CAMK2D: variants seen among roughly 807,000 people sequenced by gnomAD.
CAMK2D encodes the protein calcium/calmodulin-dependent protein kinase type II subunit delta.
Under a neutral mutation model 84.0 loss-of-function variants are expected in CAMK2D, and 37 were observed. The ratio of observed to expected loss-of-function variants is 0.44; its 90% CI spans 0.34 to 0.58. The LOEUF (loss-of-function observed/expected upper bound fraction) is 0.58, where lower values mean the gene tolerates loss of function less well. Among genes scored for constraint, CAMK2D ranks in the 20% least tolerant of loss-of-function variants. The probability of loss-of-function intolerance (pLI) is 0.02; values close to 1 mark genes in which losing one functional copy is unlikely to be tolerated. For synonymous variants in CAMK2D, 202 were observed against 212.5 expected (o/e 0.95, Z 0.43); for missense variants, 448 against 652.5 (o/e 0.69, Z 3.41).
chr4:113,735,840 A>T (rs2099580078), intron 2 of CAMK2D, among the ~76,000 whole-genome samples: 1 of 152,178 alleles, frequency 6.6e-6, no homozygotes. Flanking sequence ...ATATATTATC[A>T]CTGTCATCTT....
At chr4:113,747,437 C>CA (rs2099607180) in intron 2 of CAMK2D, among the ~76,000 whole-genome samples, 1 of 151,200 alleles carries the variant, frequency 6.6e-6, no homozygotes, top group African/African-American at 2.4e-5. Context: ...TTTATGTTTT[C>CA]AATAAATACC....
chr4:113,571,364 A>G, intron 4 of CAMK2D, among the ~76,000 whole-genome samples: 1 of 152,346 alleles, frequency 6.6e-6, no homozygotes, highest in East Asian at 1.9e-4. Context: ...AGCATTAACA[A>G]TAGCCAAGAA....
intron 8 of CAMK2D, among the ~76,000 whole-genome samples, chr4:113,520,307 C>A (rs758153060): frequency 6.6e-6 from 1 of 152,020 alleles, no homozygotes; most frequent in Non-Finnish European, 1.5e-5. Context: ...ACTCGGGAGG[C>A]TGAGGCAGGA....
At chr4:113,610,405 C>A (rs966618440) in intron 3 of CAMK2D, among the ~76,000 whole-genome samples, 7 of 152,164 alleles carry the variant, frequency 4.6e-5, no homozygotes, top group Non-Finnish European at 1.0e-4. Context: ...GCACTGATGA[C>A]CACCACATGG....
At chr4:113,706,272 ATG>A (rs1360955132) in intron 2 of CAMK2D, among the ~76,000 whole-genome samples, 1 of 152,178 alleles carries the variant, frequency 6.6e-6, no homozygotes, top group African/African-American at 2.4e-5. Context: ...CTAAAAAAGC[ATG>A]TGTGAAAAAC....
rs549539472 is a variant in CAMK2D at position 113,592,765 on chromosome 4, C to T, written c.275+16387G>A. On this transcript the variant is annotated intron_variant, in intron 4 of 20. Transcript: ENST00000511664. The stretch of plus-strand genomic sequence containing the variant: ...TAAATTTCTAGTCTTGATTTCTGAC[C>T]TCCAGCTAATGAATTATTATGCCTT... Among the ~76,000 whole-genome samples, 24 of 152,218 alleles carry T rather than the reference C, an allele frequency of 1.6e-4. No individual in the cohort carries two copies. The South Asian group carries it at 2.3e-3, about 14-fold the overall frequency.
chr4:113,543,772 A>G (rs548997171), intron 6 of CAMK2D, among the ~76,000 whole-genome samples: 9 of 107,396 alleles, frequency 8.4e-5, no homozygotes, highest in African/African-American at 5.0e-4. Flanking sequence ...TATCAAGTTT[A>G]TTTATTTATT....
At chr4:113,749,579 T>C (rs916645644) in intron 2 of CAMK2D, among the ~76,000 whole-genome samples, 2 of 152,182 alleles carry the variant, frequency 1.3e-5, no homozygotes, top group African/African-American at 4.8e-5. Context: ...ATCAGATACC[T>C]CTGTAGAATG....
intron 5 of CAMK2D, among the ~76,000 whole-genome samples, chr4:113,549,414 C>T (rs564811742): frequency 6.6e-6 from 1 of 152,190 alleles, no homozygotes; most frequent in South Asian, 2.1e-4. Flanking sequence ...ATTTACAATC[C>T]CCTGGAGCAT....
At chr4:113,510,434 T>C (rs1049002391) in intron 12 of CAMK2D, among the ~76,000 whole-genome samples, 2 of 152,124 alleles carry the variant, frequency 1.3e-5, no homozygotes, top group Non-Finnish European at 2.9e-5. Flanking sequence ...TCTTAAAGCA[T>C]ATGGGTCTTA....
At chr4:113,459,348 A>G (rs2097343056) in intron 18 of CAMK2D, among the ~76,000 whole-genome samples, 2 of 152,094 alleles carry the variant, frequency 1.3e-5, no homozygotes, top group Non-Finnish European at 2.9e-5. Flanking sequence ...CTTCCCAAGT[A>G]GCTGGGACTA....
chr4:113,503,053 G>A, intron 14 of CAMK2D, 76 bp from the exon 15 acceptor site: 2 of 1,012,020 alleles, frequency 2.0e-6, no homozygotes, highest in Non-Finnish European at 3.2e-6. Flanking sequence ...GGACAGAGCA[G>A]AGTGAGCCAG....
chr4:113,668,953 T>C (rs1048821234), intron 2 of CAMK2D, among the ~76,000 whole-genome samples: 3 of 152,196 alleles, frequency 2.0e-5, no homozygotes, highest in African/African-American at 4.8e-5. Context: ...AGCTGCTGTA[T>C]AATATATTTA....
chr4:113,753,819 C>T, intron 2 of CAMK2D: 1 of 982,712 alleles, frequency 1.0e-6, no homozygotes, highest in Non-Finnish European at 1.2e-6. Context: ...TACTTAAGCC[C>T]CATCTACATT....
At chr4:113,489,324 A>G (rs2097797438) in intron 16 of CAMK2D, among the ~76,000 whole-genome samples, 1 of 130,762 alleles carries the variant, frequency 7.6e-6, no homozygotes, top group Admixed American at 9.4e-5. Context: ...AGAGTGTGAT[A>G]GTCCCCTTCC....
At chr4:113,736,196 T>C (rs1453189376) in intron 2 of CAMK2D, among the ~76,000 whole-genome samples, 1 of 151,968 alleles carries the variant, frequency 6.6e-6, no homozygotes, top group African/African-American at 2.4e-5. Context: ...TTTATGTTAC[T>C]GCCATCTTAA....
At chr4:113,504,831 C>CAAAAA (rs35574643) in intron 14 of CAMK2D, 145 bp downstream of exon 14, 3 of 241,462 alleles carry the variant, frequency 1.2e-5, no homozygotes, top group African/African-American at 7.0e-5. Context: ...TCATAGAAAG[C>CAAAAA]AAAAAAAAAA....
At chr4:113,492,756 A>G (rs2097861876) in intron 16 of CAMK2D, among the ~76,000 whole-genome samples, 1 of 146,216 alleles carries the variant, frequency 6.8e-6, no homozygotes, top group Admixed American at 6.9e-5. Flanking sequence ...AAAGTCTCCC[A>G]TTATTAATGT....
At chr4:113,523,659 C>A (rs2098390567) in intron 8 of CAMK2D, among the ~76,000 whole-genome samples, 1 of 151,958 alleles carries the variant, frequency 6.6e-6, no homozygotes, top group Non-Finnish European at 1.5e-5. Context: ...GTAGTCCCCA[C>A]TACAGGGGAG....
Sources: allele counts gnomAD v4.1 joint callset (sites outside exome capture counted in the v4.1 genomes callset), GRCh38; gene constraint gnomAD v4.1.1; transcripts MANE v1.5; gene names NCBI Gene and HGNC (gene_info 2026-07-23, HGNC 2026-07-21).